Variants in DNAH11 observed in about 807,000 individuals in gnomAD.
The protein encoded by DNAH11 is axonemal beta dynein heavy chain 11.
A neutral mutation model predicts 526.0 loss-of-function variants in DNAH11; 442 were observed. That is an observed-to-expected ratio of 0.84 (90% CI 0.78 to 0.91). The LOEUF is 0.91. Ranked by LOEUF, DNAH11 falls within the 40% of genes least tolerant of loss-of-function variation. The pLI, the probability that DNAH11 is intolerant of heterozygous loss-of-function variation, is 0.00. For missense variants in DNAH11, 6,989 were observed against 5,448.7 expected (o/e 1.28, Z -8.90); for synonymous variants, 2,461 against 1,935.9 (o/e 1.27, Z -7.12).
chr7:21,673,727 C>T (rs796967187), intron 30 of DNAH11, among the ~76,000 whole-genome samples: 15 of 152,282 alleles, frequency 9.9e-5, no homozygotes, highest in African/African-American at 3.4e-4. Context: ...ACTCATGCCA[C>T]ATCTTTTGTT....
chr7:21,718,189 A>ATTTT (rs60132685), intron 43 of DNAH11, among the ~76,000 whole-genome samples: 1 of 150,622 alleles, frequency 6.6e-6, no homozygotes, highest in African/African-American at 2.4e-5. Flanking sequence ...TGTTTTACTG[A>ATTTT]TTTTTTTTTA....
Position 21,591,639 on chromosome 7 carries a change from A to T in DNAH11, c.2667+62A>T, listed in dbSNP as rs1467462110. 2.8e-6 allele frequency: 4 copies of T among 1,425,660 alleles called. No individual in the cohort carries two copies. The African/African-American group carries it at 4.3e-5, about 15-fold the overall frequency. 88.3% of individuals were successfully genotyped at this position (1,425,660 alleles called of 1,614,324 possible). The stretch of plus-strand genomic sequence containing the variant: ...TTCATTGAGTTCAGAGAAGAGCAAA[A>T]ATCTTTAACCTAATAATGTGGGACT... On this transcript the variant is annotated intron_variant, in intron 14 of 81. Transcript: ENST00000409508.
At chr7:21,678,560 T>C (rs559261055) in intron 30 of DNAH11, among the ~76,000 whole-genome samples, 21 of 152,004 alleles carry the variant, frequency 1.4e-4, no homozygotes, top group African/African-American at 4.8e-4. Context: ...CCATACAAAT[T>C]TTAAGATTGT....
At chr7:21,594,194 T>C (rs1313701901) in intron 14 of DNAH11, among the ~76,000 whole-genome samples, 1 of 152,082 alleles carries the variant, frequency 6.6e-6, no homozygotes, top group Non-Finnish European at 1.5e-5. Flanking sequence ...GGCCTGAATT[T>C]TCTCATGTGT....
intron 72 of DNAH11, 77 bp downstream of exon 72, chr7:21,868,084 G>T (rs1783353934): frequency 9.6e-6 from 11 of 1,145,862 alleles, no homozygotes; most frequent in African/African-American, 1.8e-5. Flanking sequence ...CTTCTTTTCA[G>T]TTCACAGTGA....
chr7:21,710,270 A>G lies in DNAH11; in HGVS notation c.6684-283A>G, dbSNP rs141511615. Reference sequence around the variant, plus strand: ...GAGTTTTAGGTACGTTACCTTCTATAAATCCCCACAACTGTTCATGAAGGA... The same window carrying G: ...GAGTTTTAGGTACGTTACCTTCTATGAATCCCCACAACTGTTCATGAAGGA... On this transcript the variant is annotated intron_variant, in intron 40 of 81. Transcript: ENST00000409508. Among the ~76,000 whole-genome samples the G allele has an allele frequency of 1.1e-3, 162 of 152,306 alleles. 2 individuals carry two copies. Among genetic ancestry groups the G allele is most frequent in the Non-Finnish European group, 9.7e-4 (66 of 68,026 alleles).
chr7:21,901,416 A>T lies in DNAH11; in HGVS notation c.*162A>T. 1 of 1,051,498 alleles carries T rather than the reference A, an allele frequency of 9.5e-7. No individual in the cohort carries two copies. Among genetic ancestry groups the T allele is most frequent in the Non-Finnish European group, 1.3e-6 (1 of 789,974 alleles). The allele number at this position is 1,051,498 out of a possible 1,614,324, so 65.1% of individuals were successfully genotyped here. On this transcript the variant is annotated 3_prime_UTR_variant, in exon 82 of 82. Transcript: ENST00000409508. ...AGTGAAAGTCAGAAAAAAATACTAG[A>T]AACTAACTCAGGGCTGAGCGTGGTG...
At position 21,866,609 on chromosome 7, in the gene DNAH11, A is replaced by C. The variant is rs749399463; in HGVS notation, c.11636A>C (p.Gln3879Pro). 13 of 1,613,778 alleles carry C rather than the reference A, an allele frequency of 8.1e-6. No individual in the cohort carries two copies. In the South Asian group the frequency reaches 1.4e-4, roughly 18 times the overall value. The change falls in exon 71 of 82, where the codon CAG (glutamine) becomes CCG (proline). Residue 3879 changes from glutamine (Q) to proline (P), a missense_variant. By Grantham distance (76) the Gln-to-Pro change is moderately conservative. Transcript: ENST00000409508. ...PQEWKKKSLI[Q>P]KLILLRAMRP... is the part of the protein sequence containing the mutation. ...GAATGGAAGAAGAAAAGTTTAATAC[A>C]GAAGCTGATTCTTCTGAGAGCAATG...
chr7:21,665,908 A>T (rs1057081036), intron 30 of DNAH11, among the ~76,000 whole-genome samples: 1 of 152,132 alleles, frequency 6.6e-6, no homozygotes, highest in Non-Finnish European at 1.5e-5. Context: ...AAATGTTTGC[A>T]TCTAAGTTGA....
In DNAH11 at chr7:21,591,589, T is replaced by A; in HGVS notation, c.2667+12T>A. Reference sequence around the variant, plus strand: ...ACAACTTGGTCGAGGTAATGGCTTTTAACCTTTCAAGATTTATAGATCTTT... The same window carrying A: ...ACAACTTGGTCGAGGTAATGGCTTTAAACCTTTCAAGATTTATAGATCTTT... On this transcript the variant is annotated intron_variant, in intron 14 of 81. Coordinates refer to ENST00000409508, the MANE Select transcript of DNAH11 (RefSeq NM_001277115.2). The A allele has an allele frequency of 6.6e-7, 1 of 1,517,366 alleles. No individual in the cohort carries two copies. Among genetic ancestry groups the A allele is most frequent in the South Asian group, 1.4e-5 (1 of 72,730 alleles). The allele number at this position is 1,517,366 out of a possible 1,614,324, so 94.0% of individuals were successfully genotyped here. A position where few individuals can be genotyped will look rare whatever the true frequency, so the allele number is the denominator to read the frequency against.
At chr7:21,783,946 G>A (rs1788066264) in intron 57 of DNAH11, among the ~76,000 whole-genome samples, 1 of 152,200 alleles carries the variant, frequency 6.6e-6, no homozygotes, top group Non-Finnish European at 1.5e-5. Flanking sequence ...CTTCTAGCCA[G>A]TTGATCAAAA....
Position 21,868,986 on chromosome 7 carries a change from C to T in DNAH11, c.11962C>T (p.Leu3988Phe), listed in dbSNP as rs1308348101. 2 of 1,613,888 alleles carry T rather than the reference C, an allele frequency of 1.2e-6. No individual in the cohort carries two copies. The highest frequency in any genetic ancestry group is 4.5e-5 in the East Asian group (2 of 44,870). The change falls in exon 73 of 82, where the codon CTC becomes TTC. Residue 3988 changes from leucine to phenylalanine, a missense_variant. Physicochemically the swap from Leu to Phe is conservative, Grantham distance 22 (BLOSUM62 0). Transcript: ENST00000409508. ...KASKGGHWVI[L>F]QNVHLVAKWL... ...TTCCAAAGGAGGACACTGGGTCATC[C>T]TCCAAGTGAGTATTAAGTTTCAGGG...
chr7:21,579,819 A>G (rs1784243431), intron 8 of DNAH11, among the ~76,000 whole-genome samples: 1 of 152,204 alleles, frequency 6.6e-6, no homozygotes, highest in Non-Finnish European at 1.5e-5. Context: ...TGGAGGATGA[A>G]TCAGAGATAG....
chr7:21,569,952 A>G (rs1030496929), intron 6 of DNAH11, 117 bp from the exon 7 acceptor site: 37 of 779,044 alleles, frequency 4.7e-5, no homozygotes, highest in Non-Finnish European at 4.4e-5. Flanking sequence ...TTCTTTCAGC[A>G]TTGCTGGCCC....
In DNAH11 at chr7:21,901,179, G is replaced by C. The variant is rs1230611166; in HGVS notation, c.13476G>C (p.Trp4492Cys). The C allele has an allele frequency of 1.2e-6, 2 of 1,613,154 alleles. No homozygotes were observed. The highest frequency in any genetic ancestry group is 1.7e-6 in the Non-Finnish European group (2 of 1,179,500). ...AACTGAGAGGCCCCAGCTACATCTG[G>C]ACCTTCAGGCTGAAGAGCGAAGAGA... ...RTKLRGPSYI[W>C]TFRLKSEEKT... The change falls in exon 82 of 82, where the codon TGG becomes TGC. Residue 4492 changes from tryptophan to cysteine, a missense_variant. Trp to Cys is a radical substitution (Grantham distance 215, BLOSUM62 -2). Transcript: ENST00000409508.
intron 54 of DNAH11, among the ~76,000 whole-genome samples, chr7:21,758,937 G>C (rs1786761002): frequency 1.3e-5 from 2 of 152,210 alleles, no homozygotes; most frequent in Non-Finnish European, 2.9e-5. Flanking sequence ...TAACAGAGCA[G>C]CGCTGATCAG....
intron 80 of DNAH11, 49 bp from the exon 81 acceptor site, chr7:21,899,931 C>G: frequency 6.3e-7 from 1 of 1,599,324 alleles, no homozygotes; most frequent in Middle Eastern, 1.7e-4. Flanking sequence ...TCCCGGGAAC[C>G]TTACATGCAA....
intron 8 of DNAH11, among the ~76,000 whole-genome samples, chr7:21,575,899 G>T (rs770778044): frequency 1.3e-5 from 2 of 152,062 alleles, no homozygotes; most frequent in Non-Finnish European, 2.9e-5. Flanking sequence ...AAACAACTGC[G>T]CATTCCATCA....
intron 54 of DNAH11, among the ~76,000 whole-genome samples, chr7:21,760,680 A>G (rs1352549416): frequency 6.6e-6 from 1 of 152,196 alleles, no homozygotes; most frequent in Non-Finnish European, 1.5e-5. Context: ...CATGTCTACC[A>G]TCCATGATGC....
Sources: allele counts gnomAD v4.1 joint callset (sites outside exome capture counted in the v4.1 genomes callset), GRCh38; gene constraint gnomAD v4.1.1; transcripts MANE v1.5; gene names NCBI Gene and HGNC (gene_info 2026-07-23, HGNC 2026-07-21).